Variants in CRPPA observed in about 807,000 individuals in gnomAD.
CRPPA encodes the protein CDP-L-ribitol pyrophosphorylase A, also known as D-ribitol-5-phosphate cytidylyltransferase.
Under a neutral mutation model 52.0 loss-of-function variants are expected in CRPPA, and 43 were observed. The observed-to-expected ratio is 0.83, with a 90% confidence interval of 0.65 to 1.07. The LOEUF (loss-of-function observed/expected upper bound fraction) is 1.07. Ranked by LOEUF, CRPPA falls within the 50% of genes least tolerant of loss-of-function variation. The pLI is 0.00. For missense variants in CRPPA, 629 were observed against 551.7 expected (o/e 1.14, Z -1.40); for synonymous variants, 250 against 203.5 (o/e 1.23, Z -1.94).
In CRPPA at chr7:16,286,054, T is replaced by A. The variant is rs1255577353; in HGVS notation, c.836-7828A>T. Reference sequence around the variant, plus strand: ...AAAAAAAAAAATATAAATATATATATATATATATATATATATATATATATA... The same window carrying A: ...AAAAAAAAAAATATAAATATATATAAATATATATATATATATATATATATA... On this transcript the variant is annotated intron_variant, in intron 5 of 9. Coordinates refer to ENST00000407010, the MANE Select transcript of CRPPA (RefSeq NM_001101426.4). Among the ~76,000 whole-genome samples the A allele has an allele frequency of 3.2e-3, 45 of 14,056 alleles. 2 individuals carry two copies. The highest frequency in any genetic ancestry group is 9.4e-3 in the African/African-American group (21 of 2,244). The allele number at this position is 14,056 out of a possible 152,430, so 9.2% of individuals were successfully genotyped here.
chr7:16,333,239 T>C (rs1399111175), intron 3 of CRPPA, among the ~76,000 whole-genome samples: 2 of 152,090 alleles, frequency 1.3e-5, no homozygotes, highest in East Asian at 3.9e-4. Flanking sequence ...AATAAAGACA[T>C]AGTTGACCTC....
At chr7:16,146,612 C>T (rs557069062) in intron 9 of CRPPA, among the ~76,000 whole-genome samples, 31 of 152,086 alleles carry the variant, frequency 2.0e-4, no homozygotes, top group African/African-American at 7.5e-4. Flanking sequence ...TAAACTGTAA[C>T]ATCAATAACC....
intron 9 of CRPPA, among the ~76,000 whole-genome samples, chr7:16,092,680 G>T (rs1426293649): frequency 6.6e-6 from 1 of 152,044 alleles, no homozygotes; most frequent in Non-Finnish European, 1.5e-5. Context: ...TTTCCCACAG[G>T]GAAGTCAAAA....
intron 3 of CRPPA, among the ~76,000 whole-genome samples, chr7:16,320,103 T>C (rs1785227051): frequency 6.6e-6 from 1 of 152,180 alleles, no homozygotes; most frequent in Non-Finnish European, 1.5e-5. Flanking sequence ...TCACCTCTCC[T>C]ATTCTTTTGA....
At chr7:16,241,787 G>A (rs950047316) in intron 8 of CRPPA, among the ~76,000 whole-genome samples, 1 of 151,794 alleles carries the variant, frequency 6.6e-6, no homozygotes, top group African/African-American at 2.4e-5. Flanking sequence ...ACATAATACC[G>A]CTAAAAAACA....
intron 6 of CRPPA, chr7:16,277,119 G>A (rs1409800939): frequency 6.6e-6 from 1 of 151,998 alleles, no homozygotes; most frequent in East Asian, 1.9e-4. Context: ...TTAGAACATA[G>A]ATGTTATTAA....
At chr7:16,256,769 G>A (rs1355824464) in intron 8 of CRPPA, among the ~76,000 whole-genome samples, 1 of 152,048 alleles carries the variant, frequency 6.6e-6, no homozygotes, top group African/African-American at 2.4e-5. Context: ...GTTGGGGAGT[G>A]GGGGGCTGGG....
chr7:16,292,373 T>C (rs1784581299), intron 5 of CRPPA, among the ~76,000 whole-genome samples: 1 of 151,916 alleles, frequency 6.6e-6, no homozygotes, highest in East Asian at 1.9e-4. Context: ...CTATGTACTA[T>C]TAGGTCCAAG....
In CRPPA at chr7:16,091,850, T is replaced by A. The variant is rs925677597; in HGVS notation, c.1252-51A>T. On this transcript the variant is annotated intron_variant, in intron 9 of 9. Transcript: ENST00000407010. The stretch of plus-strand genomic sequence containing the variant: ...TATTTTAGAAAAAACATATGCCATG[T>A]GTTAAGTTTGATAAAAAGCCACTTT... The A allele has an allele frequency of 6.3e-6, 7 of 1,112,962 alleles. No homozygotes were observed. In the African/African-American group the frequency reaches 1.2e-4, roughly 18 times the overall value. The allele number at this position is 1,112,962 out of a possible 1,614,324, so 68.9% of individuals were successfully genotyped here.
chr7:16,128,298 T>C (rs1293776352), intron 9 of CRPPA, among the ~76,000 whole-genome samples: 1 of 152,030 alleles, frequency 6.6e-6, no homozygotes, highest in Non-Finnish European at 1.5e-5. Context: ...TTAAAAAGTA[T>C]TACTTGAGAA....
At chr7:16,275,037 C>G (rs535432730) in intron 6 of CRPPA, among the ~76,000 whole-genome samples, 8 of 152,160 alleles carry the variant, frequency 5.3e-5, no homozygotes, top group Non-Finnish European at 8.8e-5. Context: ...GACCATGCCA[C>G]TGCACTCCAG....
chr7:16,115,211 CAAA>C (rs1404426782), intron 9 of CRPPA, among the ~76,000 whole-genome samples: 1 of 151,996 alleles, frequency 6.6e-6, no homozygotes, highest in Non-Finnish European at 1.5e-5. Context: ...TATTCTAAGA[CAAA>C]GAACTATATA....
chr7:16,369,829 C>T (rs1461683319), intron 3 of CRPPA, among the ~76,000 whole-genome samples: 2 of 152,080 alleles, frequency 1.3e-5, no homozygotes, highest in African/African-American at 4.8e-5. Context: ...AATCCACAGA[C>T]CCTTTGAAAG....
At chr7:16,264,459 G>A (rs1233679206) in intron 6 of CRPPA, among the ~76,000 whole-genome samples, 1 of 152,166 alleles carries the variant, frequency 6.6e-6, no homozygotes, top group East Asian at 1.9e-4. Context: ...AAACATCTGT[G>A]TATTCACAAT....
intron 8 of CRPPA, among the ~76,000 whole-genome samples, chr7:16,234,680 G>A (rs188412910): frequency 1.3e-5 from 2 of 152,210 alleles, no homozygotes; most frequent in East Asian, 3.9e-4. Flanking sequence ...GTAGAAGACA[G>A]CACTAGAACA....
chr7:16,147,314 G>A (rs1377951742), intron 9 of CRPPA, among the ~76,000 whole-genome samples: 3 of 152,132 alleles, frequency 2.0e-5, no homozygotes, highest in Non-Finnish European at 4.4e-5. Context: ...TTCAAGGAAC[G>A]CATTTCCCTG....
intron 6 of CRPPA, among the ~76,000 whole-genome samples, chr7:16,261,286 C>CT (rs1783789368): frequency 6.6e-6 from 1 of 152,068 alleles, no homozygotes; most frequent in Admixed American, 6.6e-5. Context: ...GTGCCTTGAG[C>CT]AGGATAAAGA....
At chr7:16,188,110 G>A (rs565132700) in intron 9 of CRPPA, among the ~76,000 whole-genome samples, 5 of 146,550 alleles carry the variant, frequency 3.4e-5, no homozygotes, top group South Asian at 2.2e-4. Flanking sequence ...GCAGTGGTGC[G>A]ATCTCAGCTC....
intron 3 of CRPPA, among the ~76,000 whole-genome samples, chr7:16,345,528 A>G (rs1403233166): frequency 1.3e-5 from 2 of 152,202 alleles, no homozygotes; most frequent in Non-Finnish European, 2.9e-5. Flanking sequence ...GAGCAATAAT[A>G]TAAATATTAA....
Sources: gnomAD v4.1 joint callset for allele counts (sites outside exome capture counted in the v4.1 genomes callset) on GRCh38, gnomAD v4.1.1 for gene constraint, MANE v1.5 for transcripts, NCBI Gene and HGNC (gene_info 2026-07-23, HGNC 2026-07-21) for gene names.